The following ADGRL3 variants were observed in gnomAD, a reference collection of about 807,000 sequenced individuals.
ADGRL3 encodes calcium-independent alpha-latrotoxin receptor 3.
In ADGRL3, 62 loss-of-function variants were observed where a neutral mutation model predicts 153.5. The observed-to-expected ratio is 0.40, with a 90% CI of 0.33 to 0.50. The LOEUF (loss-of-function observed/expected upper bound fraction) is 0.50. ADGRL3 is among the 20% of genes least tolerant of loss of function. The pLI is 0.47. For synonymous variants in ADGRL3, 710 were observed against 672.5 expected, an observed-to-expected ratio of 1.06 and a Z score of -0.86; for missense variants, 1,641 against 1,859.4, an observed-to-expected ratio of 0.88 and a Z score of 2.16.
At chr4:61,366,135 T>C (rs1353977716) in intron 1 of ADGRL3, among the ~76,000 whole-genome samples, 2 of 130,800 alleles carry the variant, frequency 1.5e-5, no homozygotes, top group Non-Finnish European at 3.6e-5. Context: ...TTAAATATTT[T>C]CTTTAAAAAA....
At chr4:61,677,369 G>GCT (rs1186041378) in intron 6 of ADGRL3, 1 of 413,102 alleles carries the variant, frequency 2.4e-6, no homozygotes, top group South Asian at 1.8e-5. Flanking sequence ...TTGAGAATTA[G>GCT]AAATATATTC....
intron 17 of ADGRL3, among the ~76,000 whole-genome samples, chr4:61,969,362 G>A (rs968637170): frequency 5.3e-5 from 8 of 152,094 alleles, no homozygotes; most frequent in Non-Finnish European, 1.0e-4. Flanking sequence ...TCCTAAACTT[G>A]TGAGATGTAG....
At chr4:61,295,199 A>G (rs1206373301) in intron 1 of ADGRL3, among the ~76,000 whole-genome samples, 2 of 152,118 alleles carry the variant, frequency 1.3e-5, no homozygotes, top group Admixed American at 1.3e-4. Flanking sequence ...TATCTGATGA[A>G]CTGTCAAGGT....
chr4:61,881,083 T>C (rs1461420831), intron 9 of ADGRL3, among the ~76,000 whole-genome samples: 3 of 152,180 alleles, frequency 2.0e-5, no homozygotes, highest in Non-Finnish European at 4.4e-5. Context: ...TACTAAAATT[T>C]TTTTAAAGAT....
intron 6 of ADGRL3, among the ~76,000 whole-genome samples, chr4:61,712,486 A>G (rs2096014600): frequency 6.6e-6 from 1 of 152,160 alleles, no homozygotes; most frequent in African/African-American, 2.4e-5. Context: ...GTATCCTTAG[A>G]CCATTCAGTT....
chr4:61,925,383 C>T (rs1376631866), intron 13 of ADGRL3, among the ~76,000 whole-genome samples: 2 of 152,102 alleles, frequency 1.3e-5, no homozygotes, highest in Non-Finnish European at 2.9e-5. Context: ...TTCAGACATA[C>T]CAATGGCTTT....
chr4:61,262,805 A>T (rs1434114500), intron 1 of ADGRL3, among the ~76,000 whole-genome samples: 1 of 152,094 alleles, frequency 6.6e-6, no homozygotes, highest in African/African-American at 2.4e-5. Flanking sequence ...TTATCAAATA[A>T]TTTGAATTAT....
chr4:61,355,002 G>C (rs978678390), intron 1 of ADGRL3, among the ~76,000 whole-genome samples: 1 of 152,034 alleles, frequency 6.6e-6, no homozygotes, highest in Non-Finnish European at 1.5e-5. Context: ...ATTTGTCCTT[G>C]GTCCTTTACT....
chr4:61,476,378 C>T (rs992821906), intron 2 of ADGRL3, among the ~76,000 whole-genome samples: 2 of 152,112 alleles, frequency 1.3e-5, no homozygotes, highest in African/African-American at 2.4e-5. Context: ...AGGCACACAC[C>T]GCCATGCCTG....
intron 1 of ADGRL3, among the ~76,000 whole-genome samples, chr4:61,276,745 A>G (rs557016009): frequency 6.6e-6 from 1 of 152,132 alleles, no homozygotes; most frequent in Non-Finnish European, 1.5e-5. Context: ...GAAATTTAGA[A>G]AGAAAGCCTG....
chr4:61,381,749 G>A lies in ADGRL3; in HGVS notation c.-239-1375G>A, dbSNP rs574178427. 2.0e-5 allele frequency among the ~76,000 whole-genome samples: 3 copies of A among 151,984 alleles called. No homozygotes were observed. The East Asian group carries it at 5.8e-4, about 29-fold the overall frequency. On this transcript the variant is annotated intron_variant, in intron 1 of 26. Coordinates refer to ENST00000683033, the MANE Select transcript of ADGRL3 (RefSeq NM_001387552.1). ...ATACGCCAGTTCTTCAAAAACCAGGGAAAAAAGTGACAGCCAATAATTATT... is the reference window on the plus strand; with the variant it reads ...ATACGCCAGTTCTTCAAAAACCAGGAAAAAAAGTGACAGCCAATAATTATT...
intron 1 of ADGRL3, among the ~76,000 whole-genome samples, chr4:61,376,941 C>A (rs778541916): frequency 3.9e-5 from 6 of 152,068 alleles, no homozygotes; most frequent in Admixed American, 6.6e-5. Flanking sequence ...AAGAATAGTT[C>A]TCTGCACTAA....
intron 2 of ADGRL3, among the ~76,000 whole-genome samples, chr4:61,421,361 A>T (rs908163996): frequency 1.3e-5 from 2 of 151,946 alleles, no homozygotes; most frequent in Non-Finnish European, 2.9e-5. Flanking sequence ...AAAAAAAAAA[A>T]CTGGCAAATG....
intron 21 of ADGRL3, among the ~76,000 whole-genome samples, chr4:61,998,475 C>T (rs1406256122): frequency 6.6e-6 from 1 of 151,918 alleles, no homozygotes; most frequent in Non-Finnish European, 1.5e-5. Context: ...ACTTTTTCTC[C>T]TAAATTCTAA....
chr4:61,361,721 A>G (rs1415840991), intron 1 of ADGRL3, among the ~76,000 whole-genome samples: 2 of 152,170 alleles, frequency 1.3e-5, no homozygotes, highest in African/African-American at 4.8e-5. Context: ...GAAGCAATAA[A>G]CAGTAAGACT....
chr4:61,851,368 CTTGAGACCAGGAGT>C (rs1272320934), intron 9 of ADGRL3, among the ~76,000 whole-genome samples: 2 of 152,006 alleles, frequency 1.3e-5, no homozygotes, highest in Non-Finnish European at 2.9e-5. Context: ...AGGAGGATCA[CTTGAGACCAGGAGT>C]TTGAGACCTG....
At chr4:62,053,504 C>T (rs1735382885) in intron 25 of ADGRL3, among the ~76,000 whole-genome samples, 1 of 151,420 alleles carries the variant, frequency 6.6e-6, no homozygotes, top group African/African-American at 2.4e-5. Context: ...AAGTCAGCTA[C>T]CACATTCATA....
intron 5 of ADGRL3, among the ~76,000 whole-genome samples, chr4:61,606,461 T>C (rs2099032827): frequency 6.6e-6 from 1 of 152,192 alleles, no homozygotes; most frequent in African/African-American, 2.4e-5. Flanking sequence ...TGTCAAGGCC[T>C]TTCCTTGGCT....
chr4:61,714,221 G>GCACACACACA (rs57350284), intron 6 of ADGRL3, among the ~76,000 whole-genome samples: 4 of 150,740 alleles, frequency 2.7e-5, no homozygotes, highest in Non-Finnish European at 4.4e-5. Context: ...TGTAAAATAC[G>GCACACACACA]CACACACACA....
Sources: gnomAD v4.1 joint callset for allele counts (sites outside exome capture counted in the v4.1 genomes callset) on GRCh38, gnomAD v4.1.1 for gene constraint, MANE v1.5 for transcripts, NCBI Gene and HGNC (gene_info 2026-07-23, HGNC 2026-07-21) for gene names.